The following ZNF507 variants were observed in gnomAD, a reference collection of about 807,000 sequenced individuals.
The protein encoded by ZNF507 is zinc finger protein 507.
ZNF507 carries 29 observed loss-of-function variants against 80.0 expected under a neutral mutation model. The ratio of observed to expected loss-of-function variants is 0.36; its 90% CI spans 0.27 to 0.49. ZNF507 has a LOEUF of 0.49. Among genes scored for constraint, ZNF507 ranks in the 20% least tolerant of loss-of-function variants. The probability of loss-of-function intolerance (pLI) is 0.98; values close to 1 mark genes in which losing one functional copy is unlikely to be tolerated. For synonymous variants in ZNF507, 462 were observed against 422.5 expected (o/e 1.09, Z -1.15); for missense variants, 1,081 against 1,152.2 (o/e 0.94, Z 0.90).
In ZNF507 at chr19:32,354,011, A is replaced by G. The variant is rs766053307; in HGVS notation, c.1181A>G (p.His394Arg). Reference protein sequence around the residue: ...IISSSPNKKGHVNVIVERLPS... With the variant: ...IISSSPNKKGRVNVIVERLPS... ...AGCAGCAGCCCCAATAAAAAAGGGC[A>G]TGTTAACGTGATAGTGGAGCGATTG... The change falls in exon 3 of 7, where the codon CAT becomes CGT. Residue 394 changes from histidine to arginine, a missense_variant. Transcript: ENST00000355898. 5 of 1,614,074 alleles carry G rather than the reference A, an allele frequency of 3.1e-6. No homozygotes were observed. In the East Asian group the frequency reaches 1.1e-4, roughly 36 times the overall value.
intron 2 of ZNF507, among the ~76,000 whole-genome samples, chr19:32,351,471 G>GTGTGT (rs56408758): frequency 2.1e-4 from 26 of 123,302 alleles, no homozygotes; most frequent in African/African-American, 2.8e-4. Context: ...GTGTGTGTGT[G>GTGTGT]GCGTGGGGGG....
chr19:32,362,041 C>A (rs1226355046), intron 5 of ZNF507, among the ~76,000 whole-genome samples: 1 of 152,102 alleles, frequency 6.6e-6, no homozygotes, highest in East Asian at 1.9e-4. Context: ...GCCTCAGCCT[C>A]CCAAGTAGCT....
At chr19:32,370,945 G>A (rs1030253875) in intron 5 of ZNF507, among the ~76,000 whole-genome samples, 7 of 152,132 alleles carry the variant, frequency 4.6e-5, no homozygotes, top group African/African-American at 1.7e-4. Context: ...TTTTGCATGT[G>A]GATATCCAGT....
chr19:32,357,659 G>C (rs1464197097), intron 4 of ZNF507: 7 of 152,180 alleles, frequency 4.6e-5, no homozygotes, highest in Non-Finnish European at 1.0e-4. Context: ...TGAAACAAAA[G>C]GAGTTTATGA....
At chr19:32,371,766 A>G (rs1967476888) in intron 5 of ZNF507, among the ~76,000 whole-genome samples, 1 of 151,186 alleles carries the variant, frequency 6.6e-6, no homozygotes, top group Non-Finnish European at 1.5e-5. Flanking sequence ...CAGCCTCCCA[A>G]GTAGCTGGGA....
At position 32,354,934 on chromosome 19, in the gene ZNF507, T is replaced by C. The variant is rs754324783; in HGVS notation, c.2104T>C (p.Cys702Arg). 1.7e-5 allele frequency: 28 copies of C among 1,609,732 alleles called. No homozygotes were observed. Among genetic ancestry groups the C allele is most frequent in the Non-Finnish European group, 2.3e-5 (27 of 1,177,752 alleles). The change falls in exon 3 of 7, where the codon TGT (cysteine) becomes CGT (arginine). Residue 702 changes from cysteine (C) to arginine (R), a missense_variant. Coordinates refer to ENST00000355898, the MANE Select transcript of ZNF507 (RefSeq NM_001136156.2). ...CKTRIYQCKQ[C>R]EESFHYKSQL... The stretch of plus-strand genomic sequence containing the variant: ...GACAAGAATATACCAGTGCAAGCAG[T>C]GTGAAGAATCCTTCCATTATAAGGT...
chr19:32,347,157 T>G (rs1052233071), intron 1 of ZNF507, 88 bp from the exon 2 acceptor site: 1 of 152,274 alleles, frequency 6.6e-6, no homozygotes, highest in Non-Finnish European at 1.5e-5. Context: ...TATTGAGAAA[T>G]TTTTCACTGC....
At chr19:32,355,352 A>G (rs1343655326) in intron 3 of ZNF507, among the ~76,000 whole-genome samples, 3 of 152,188 alleles carry the variant, frequency 2.0e-5, no homozygotes, top group Non-Finnish European at 4.4e-5. Context: ...TTTTCATCTT[A>G]TATGGCCCCA....
chr19:32,360,459 A>G (rs944042332), intron 4 of ZNF507, 45 bp from the exon 5 acceptor site: 1 of 1,014,782 alleles, frequency 9.9e-7, no homozygotes, highest in Non-Finnish European at 1.4e-6. Flanking sequence ...TGTCATTTGA[A>G]TCTTGTCAAA....
At chr19:32,372,957 C>T (rs1042839200) in intron 5 of ZNF507, among the ~76,000 whole-genome samples, 2 of 152,178 alleles carry the variant, frequency 1.3e-5, no homozygotes, top group East Asian at 1.9e-4. Context: ...GTGTTGCTTA[C>T]GGTTCTGGAG....
In ZNF507 at chr19:32,354,091, G is replaced by C. The variant is rs1279334671; in HGVS notation, c.1261G>C (p.Glu421Gln). 1 of 1,613,870 alleles carries C rather than the reference G, an allele frequency of 6.2e-7. No homozygotes were observed. The change falls in exon 3 of 7, where the codon GAA becomes CAA. Residue 421 changes from glutamate to glutamine, a missense_variant. Physicochemically the swap from Glu to Gln is conservative, Grantham distance 29. Coordinates refer to ENST00000355898, the MANE Select transcript of ZNF507 (RefSeq NM_001136156.2). ...QKRFLMNTEM[E>Q]EGKDLSLTEA... Reference sequence around the variant, plus strand: ...GCGCTTCCTCATGAACACTGAAATGGAAGAAGGGAAGGACCTGAGCCTGAC... The same window carrying C: ...GCGCTTCCTCATGAACACTGAAATGCAAGAAGGGAAGGACCTGAGCCTGAC...
chr19:32,386,513 T>C lies in ZNF507; in HGVS notation c.*3430T>C, dbSNP rs560141455. On this transcript the variant is annotated 3_prime_UTR_variant, in exon 7 of 7. Coordinates refer to ENST00000355898, the MANE Select transcript of ZNF507 (RefSeq NM_001136156.2). ...TTAAGAAATAAGTATTGTGTAACACTATGGCATTGCTTCTATAGCCAAAGT... is the reference window on the plus strand; with the variant it reads ...TTAAGAAATAAGTATTGTGTAACACCATGGCATTGCTTCTATAGCCAAAGT... The C allele has an allele frequency of 3.1e-4, 47 of 152,666 alleles. No individual in the cohort carries two copies. Among genetic ancestry groups the C allele is most frequent in the Non-Finnish European group, 6.5e-4 (44 of 68,050 alleles). The allele number at this position is 152,666 out of a possible 1,614,324, so 9.5% of individuals were successfully genotyped here.
At chr19:32,364,906 G>T (rs998755134) in intron 5 of ZNF507, among the ~76,000 whole-genome samples, 2 of 152,134 alleles carry the variant, frequency 1.3e-5, no homozygotes, top group African/African-American at 4.8e-5. Flanking sequence ...TTCCATAGTG[G>T]CTGTACTAGT....
At chr19:32,350,786 A>T (rs1967152787) in intron 2 of ZNF507, among the ~76,000 whole-genome samples, 1 of 152,176 alleles carries the variant, frequency 6.6e-6, no homozygotes, top group African/African-American at 2.4e-5. Flanking sequence ...GTTCAGGAGG[A>T]TTCCTATTAT....
chr19:32,374,849 G>A (rs1967525676), intron 5 of ZNF507, among the ~76,000 whole-genome samples: 1 of 152,134 alleles, frequency 6.6e-6, no homozygotes, highest in South Asian at 2.1e-4. Flanking sequence ...GCATAGCAGT[G>A]GGGATAGTAA....
At chr19:32,357,763 A>G (rs1281928663) in intron 4 of ZNF507, 5 of 152,168 alleles carry the variant, frequency 3.3e-5, no homozygotes, top group Non-Finnish European at 7.4e-5. Context: ...ATTTTAATTC[A>G]TTATGTTTCC....
rs940993833 is a variant in ZNF507 at position 32,347,311 on chromosome 19, C to T, written c.-30C>T. On this transcript the variant is annotated 5_prime_UTR_variant, in exon 2 of 7. Transcript: ENST00000355898. ...GGAATTGATTTGAAAGACACTGGCT[C>T]TGCCACTTAACAGCCATGTAACCTT... The T allele has an allele frequency of 6.6e-6, 1 of 152,566 alleles. No individual in the cohort carries two copies. The highest frequency in any genetic ancestry group is 1.5e-5 in the Non-Finnish European group (1 of 68,052). 9.5% of individuals were successfully genotyped at this position (152,566 alleles called of 1,614,324 possible). A position where few individuals can be genotyped will look rare whatever the true frequency, so the allele number is the denominator to read the frequency against.
At chr19:32,366,954 T>C (rs1212062538) in intron 5 of ZNF507, among the ~76,000 whole-genome samples, 1 of 152,268 alleles carries the variant, frequency 6.6e-6, no homozygotes, top group African/African-American at 2.4e-5. Flanking sequence ...CATTTGTTTA[T>C]GGGCTATTAT....
chr19:32,346,380 A>G (rs1967097680), intron 1 of ZNF507, among the ~76,000 whole-genome samples: 1 of 152,154 alleles, frequency 6.6e-6, no homozygotes, highest in Non-Finnish European at 1.5e-5. Flanking sequence ...GATGATTAAT[A>G]AGGTGGCGGC....
Sources: allele counts gnomAD v4.1 joint callset (sites outside exome capture counted in the v4.1 genomes callset), GRCh38; gene constraint gnomAD v4.1.1; transcripts MANE v1.5; gene names NCBI Gene and HGNC (gene_info 2026-07-23, HGNC 2026-07-21).